Variants in HUNK observed in about 807,000 individuals in gnomAD.
HUNK encodes hormonally up-regulated neu tumor-associated kinase.
In HUNK, 21 loss-of-function variants were observed where a neutral mutation model predicts 61.0. That is an observed-to-expected ratio of 0.34 (90% CI 0.24 to 0.50). The LOEUF (loss-of-function observed/expected upper bound fraction) is 0.50. HUNK is among the 20% of genes least tolerant of loss of function. The pLI, the probability that HUNK is intolerant of heterozygous loss-of-function variation, is 0.98. For missense variants in HUNK, 772 were observed against 945.7 expected (o/e 0.82, Z 2.41); for synonymous variants, 371 against 386.1 (o/e 0.96, Z 0.46).
At chr21:31,953,370 G>A (rs868528589) in intron 4 of HUNK, among the ~76,000 whole-genome samples, 2 of 152,056 alleles carry the variant, frequency 1.3e-5, no homozygotes, top group African/African-American at 4.8e-5. Flanking sequence ...AAGTAGCTGG[G>A]AATATAGGCA....
intron 1 of HUNK, among the ~76,000 whole-genome samples, chr21:31,878,118 G>T (rs1385239260): frequency 6.6e-6 from 1 of 151,858 alleles, no homozygotes; most frequent in African/African-American, 2.4e-5. Flanking sequence ...AATTAGCCAG[G>T]TGTGGTGGTG....
intron 10 of HUNK, among the ~76,000 whole-genome samples, chr21:31,997,602 G>C (rs1258525533): frequency 6.6e-6 from 1 of 152,148 alleles, no homozygotes; most frequent in East Asian, 1.9e-4. Flanking sequence ...ATGTATATGG[G>C]GTGTTAGATT....
intron 2 of HUNK, among the ~76,000 whole-genome samples, chr21:31,932,667 G>T (rs1190059131): frequency 6.6e-6 from 1 of 152,100 alleles, no homozygotes; most frequent in East Asian, 1.9e-4. Context: ...CTGCTGTGAT[G>T]GGTCCCCTTT....
intron 4 of HUNK, among the ~76,000 whole-genome samples, chr21:31,950,727 A>G (rs1247959509): frequency 6.6e-6 from 1 of 152,214 alleles, no homozygotes; most frequent in Non-Finnish European, 1.5e-5. Flanking sequence ...GAAAACCAAA[A>G]TTGAATTTAA....
chr21:31,979,905 G>A (rs1206008996), intron 7 of HUNK, among the ~76,000 whole-genome samples: 1 of 152,058 alleles, frequency 6.6e-6, no homozygotes, highest in East Asian at 1.9e-4. Context: ...TATTTCCTTT[G>A]TTGTGCAGAG....
At chr21:31,930,890 CAG>C (rs1363361836) in intron 2 of HUNK, among the ~76,000 whole-genome samples, 1 of 151,922 alleles carries the variant, frequency 6.6e-6, no homozygotes, top group African/African-American at 2.4e-5. Flanking sequence ...GTTTTATAAA[CAG>C]AATTTGTTTC....
At chr21:31,971,705 A>T (rs1170773765) in intron 6 of HUNK, among the ~76,000 whole-genome samples, 1 of 152,208 alleles carries the variant, frequency 6.6e-6, no homozygotes, top group Non-Finnish European at 1.5e-5. Flanking sequence ...TTCAGCCTCC[A>T]AGTTGATCTC....
intron 2 of HUNK, among the ~76,000 whole-genome samples, chr21:31,939,645 TGATCTG>T (rs2052756148): frequency 2.6e-5 from 4 of 151,816 alleles, no homozygotes; most frequent in African/African-American, 9.7e-5. Flanking sequence ...CGACCTCAGG[TGATCTG>T]CCCACCCTGG....
Position 31,999,283 on chromosome 21 carries a change from C to A in HUNK, c.*99C>A. The A allele has an allele frequency of 2.8e-6, 3 of 1,073,756 alleles. No homozygotes were observed. The highest frequency in any genetic ancestry group is 4.1e-6 in the Non-Finnish European group (3 of 736,496). 66.5% of individuals were successfully genotyped at this position (1,073,756 alleles called of 1,614,324 possible). A position where few individuals can be genotyped will look rare whatever the true frequency, so the allele number is the denominator to read the frequency against. On this transcript the variant is annotated 3_prime_UTR_variant, in exon 11 of 11. Transcript: ENST00000270112. ...GAGCACTCCAAGGCCTCGCGTGGAGCATCCTTAGTCCCACCTGTAGCTGAA... is the reference window on the plus strand; with the variant it reads ...GAGCACTCCAAGGCCTCGCGTGGAGAATCCTTAGTCCCACCTGTAGCTGAA...
intron 4 of HUNK, among the ~76,000 whole-genome samples, chr21:31,949,910 C>G (rs569142412): frequency 6.6e-6 from 1 of 152,258 alleles, no homozygotes; most frequent in East Asian, 1.9e-4. Context: ...TTGACTCATC[C>G]TATCTGCCTA....
chr21:32,000,818 A>C lies in HUNK; in HGVS notation c.*1634A>C. 1 of 398,330 alleles carries C rather than the reference A, an allele frequency of 2.5e-6. No individual in the cohort carries two copies. The highest frequency in any genetic ancestry group is 2.1e-5 in the African/African-American group (1 of 48,756). 24.7% of individuals were successfully genotyped at this position (398,330 alleles called of 1,614,324 possible). ...TCACATCTCTGACAGAGCGGGACAGAATGGATATTTGGCTGACCTTGGTGA... is the reference window on the plus strand; with the variant it reads ...TCACATCTCTGACAGAGCGGGACAGCATGGATATTTGGCTGACCTTGGTGA... On this transcript the variant is annotated 3_prime_UTR_variant, in exon 11 of 11. Transcript: ENST00000270112.
chr21:31,885,991 A>C (rs1176839108), intron 1 of HUNK, among the ~76,000 whole-genome samples: 1 of 152,154 alleles, frequency 6.6e-6, no homozygotes, highest in Non-Finnish European at 1.5e-5. Flanking sequence ...TCAGCCTCCC[A>C]AAATGCTGGG....
At chr21:31,993,621 G>A (rs762095074) in intron 9 of HUNK, among the ~76,000 whole-genome samples, 1 of 152,142 alleles carries the variant, frequency 6.6e-6, no homozygotes, top group Non-Finnish European at 1.5e-5. Context: ...CAGGAAAGCC[G>A]GTAACATTGC....
chr21:31,958,235 T>G (rs1223474203), intron 4 of HUNK, among the ~76,000 whole-genome samples: 1 of 152,062 alleles, frequency 6.6e-6, no homozygotes, highest in African/African-American at 2.4e-5. Flanking sequence ...ACTCCTGCTT[T>G]TCTCTGTGGT....
At chr21:31,909,322 C>T (rs1021862261) in intron 1 of HUNK, among the ~76,000 whole-genome samples, 2 of 152,176 alleles carry the variant, frequency 1.3e-5, no homozygotes, top group Admixed American at 1.3e-4. Flanking sequence ...GGATACGTTT[C>T]CAGGGTGATC....
At chr21:31,891,045 C>T (rs1358333991) in intron 1 of HUNK, among the ~76,000 whole-genome samples, 1 of 151,892 alleles carries the variant, frequency 6.6e-6, no homozygotes, top group Non-Finnish European at 1.5e-5. Context: ...ACCGAGCACC[C>T]CCCAGCCCTG....
At chr21:31,888,954 TGGTA>T (rs2052367751) in intron 1 of HUNK, among the ~76,000 whole-genome samples, 1 of 152,186 alleles carries the variant, frequency 6.6e-6, no homozygotes, top group East Asian at 1.9e-4. Context: ...CAGTGGGGAC[TGGTA>T]GCTCTCTGAG....
chr21:31,952,098 T>C (rs748028372), intron 4 of HUNK, among the ~76,000 whole-genome samples: 1 of 152,092 alleles, frequency 6.6e-6, no homozygotes, highest in Non-Finnish European at 1.5e-5. Context: ...AAACAACCAT[T>C]TTGAAATCCG....
intron 1 of HUNK, among the ~76,000 whole-genome samples, chr21:31,902,003 G>A (rs1284401748): frequency 6.6e-6 from 1 of 152,126 alleles, no homozygotes; most frequent in Non-Finnish European, 1.5e-5. Flanking sequence ...CTGTGGGCAA[G>A]TTTCCCCTCT....
Sources: allele counts gnomAD v4.1 joint callset (sites outside exome capture counted in the v4.1 genomes callset), GRCh38; gene constraint gnomAD v4.1.1; transcripts MANE v1.5; gene names NCBI Gene and HGNC (gene_info 2026-07-23, HGNC 2026-07-21).